VPS13B: variants seen among roughly 807,000 people sequenced by gnomAD.
VPS13B encodes vacuolar protein sorting 13 homolog B.
In VPS13B, 285 loss-of-function variants were observed where a neutral mutation model predicts 426.4. The ratio of observed to expected loss-of-function variants is 0.67; its 90% CI spans 0.61 to 0.74. The LOEUF (loss-of-function observed/expected upper bound fraction) is 0.74, where lower values mean the gene tolerates loss of function less well. Among genes scored for constraint, VPS13B ranks in the 30% least tolerant of loss-of-function variants. VPS13B has a pLI of 0.00. For synonymous variants in VPS13B, 1,676 were observed against 1,676.4 expected, an observed-to-expected ratio of 1.00 and a Z score of 0.01; for missense variants, 4,537 against 4,782.6, an observed-to-expected ratio of 0.95 and a Z score of 1.51.
chr8:99,358,314 G>A (rs1323770782), intron 19 of VPS13B, among the ~76,000 whole-genome samples: 2 of 152,174 alleles, frequency 1.3e-5, no homozygotes, highest in African/African-American at 4.8e-5. Context: ...GGCAGTATCA[G>A]TGTGGGTTTC....
At chr8:99,594,847 G>A (rs1387353711) in intron 33 of VPS13B, among the ~76,000 whole-genome samples, 1 of 151,920 alleles carries the variant, frequency 6.6e-6, no homozygotes, top group African/African-American at 2.4e-5. Flanking sequence ...TGCTCACCTT[G>A]CTCTTTTCAC....
intron 25 of VPS13B, among the ~76,000 whole-genome samples, chr8:99,489,990 A>C (rs542811026): frequency 6.6e-6 from 1 of 152,144 alleles, no homozygotes; most frequent in Non-Finnish European, 1.5e-5. Context: ...CCAGTTTTCA[A>C]AGGGAATGCT....
chr8:99,770,354 T>TAGATTCACTCTTTTTGGTCGGGCGC (rs1563909424), intron 40 of VPS13B, among the ~76,000 whole-genome samples: 31 of 148,976 alleles, frequency 2.1e-4, no homozygotes, highest in Non-Finnish European at 3.0e-4. Flanking sequence ...GCCCTGGTCA[T>TAGATTCACTCTTTTTGGTCGGGCGC]GCTATCCATT....
intron 17 of VPS13B, among the ~76,000 whole-genome samples, chr8:99,232,218 C>CAG (rs554437361): frequency 2.3e-4 from 35 of 152,016 alleles, no homozygotes; most frequent in East Asian, 1.5e-3. Flanking sequence ...GAGAGATAAA[C>CAG]AGAGAGAGAG....
rs566510417 is a variant in VPS13B, at chr8:99,337,190, A to G, written c.2825-47018A>G. ...ATGGAATACTATGCAGCCATAAAAA[A>G]TGATGATTTCATGTCCTTTGTAGGG... On this transcript the variant is annotated intron_variant, in intron 19 of 61. Transcript: ENST00000357162. 1.4e-4 allele frequency among the ~76,000 whole-genome samples: 21 copies of G among 152,272 alleles called. 1 individual carries two copies. Among genetic ancestry groups the G allele is most frequent in the African/African-American group, 5.1e-4 (21 of 41,566 alleles).
At chr8:99,257,718 G>A (rs894248553) in intron 17 of VPS13B, among the ~76,000 whole-genome samples, 1 of 151,402 alleles carries the variant, frequency 6.6e-6, no homozygotes, top group East Asian at 1.9e-4. Flanking sequence ...TTATAACAAG[G>A]TGTTTTAAAA....
intron 17 of VPS13B, among the ~76,000 whole-genome samples, chr8:99,245,257 C>T (rs1402331910): frequency 2.6e-5 from 4 of 152,140 alleles, no homozygotes; most frequent in African/African-American, 7.2e-5. Flanking sequence ...TATTAACTTA[C>T]GTTGTTTTGT....
chr8:99,506,421 G>T lies in VPS13B; in HGVS notation c.4158-716G>T, dbSNP rs181506798. On this transcript the variant is annotated intron_variant, in intron 27 of 61. Coordinates refer to ENST00000357162, the MANE Select transcript of VPS13B (RefSeq NM_152564.5). ...TAATGTCATGAATATTACGTATTAT[G>T]TTGTACTTTATCCCTGACTGTACCG... is the stretch of plus-strand genomic sequence containing the variant. Among the ~76,000 whole-genome samples the T allele has an allele frequency of 5.4e-3, 821 of 152,240 alleles. 6 individuals carry two copies. The highest frequency in any genetic ancestry group is 8.8e-3 in the Admixed American group (135 of 15,288).
chr8:99,640,063 A>AGAAGAAGAAGAAGAAG (rs1233008721), intron 33 of VPS13B, among the ~76,000 whole-genome samples: 2 of 103,046 alleles, frequency 1.9e-5, no homozygotes, highest in African/African-American at 7.3e-5. Flanking sequence ...AAAGAAAAGA[A>AGAAGAAGAAGAAGAAG]AAGAAAAGAA....
intron 19 of VPS13B, among the ~76,000 whole-genome samples, chr8:99,365,641 C>T (rs1465421263): frequency 4.0e-5 from 6 of 151,554 alleles, no homozygotes; most frequent in Non-Finnish European, 4.4e-5. Context: ...CTCAGCCTCC[C>T]GAGTAGCTGG....
chr8:99,737,467 C>A (rs980647500), intron 39 of VPS13B, among the ~76,000 whole-genome samples: 1 of 152,104 alleles, frequency 6.6e-6, no homozygotes, highest in Non-Finnish European at 1.5e-5. Context: ...AGCCTTCCCC[C>A]ACAAGCATAA....
intron 41 of VPS13B, 116 bp downstream of exon 41, chr8:99,777,072 C>T (rs925956545): frequency 1.8e-5 from 24 of 1,304,930 alleles, no homozygotes; most frequent in Admixed American, 1.2e-4. Context: ...AAGTATAAAG[C>T]GAGCAGTGGC....
intron 8 of VPS13B, among the ~76,000 whole-genome samples, chr8:99,132,155 C>G (rs1392957808): frequency 6.6e-6 from 1 of 151,718 alleles, no homozygotes; most frequent in Non-Finnish European, 1.5e-5. Flanking sequence ...ACTTGGCCTC[C>G]CAAAGTGCTG....
intron 6 of VPS13B, among the ~76,000 whole-genome samples, chr8:99,113,036 C>G (rs899021454): frequency 2.1e-4 from 31 of 151,068 alleles, no homozygotes; most frequent in African/African-American, 7.5e-4. Flanking sequence ...CCCCTCCTCT[C>G]CCTCTCCCCA....
chr8:99,425,168 C>CT (rs1816621467), intron 21 of VPS13B, among the ~76,000 whole-genome samples: 1 of 152,180 alleles, frequency 6.6e-6, no homozygotes, highest in South Asian at 2.1e-4. Flanking sequence ...CCTTCTGAAA[C>CT]TATTCCAATC....
chr8:99,842,741 G>A (rs1228844192), intron 54 of VPS13B, among the ~76,000 whole-genome samples: 3 of 152,104 alleles, frequency 2.0e-5, no homozygotes, highest in Admixed American at 6.5e-5. Context: ...AAAGATAACT[G>A]AGTACATAGA....
chr8:99,595,858 A>G (rs1284405457), intron 33 of VPS13B, among the ~76,000 whole-genome samples: 1 of 152,026 alleles, frequency 6.6e-6, no homozygotes, highest in Admixed American at 6.6e-5. Flanking sequence ...AAGAATCTTA[A>G]TAAACATTTC....
intron 17 of VPS13B, among the ~76,000 whole-genome samples, chr8:99,239,001 T>C (rs764549444): frequency 6.6e-6 from 1 of 152,214 alleles, no homozygotes; most frequent in Admixed American, 6.5e-5. Context: ...AGATTTCATC[T>C]GAGTAAGAAT....
intron 17 of VPS13B, chr8:99,233,502 A>T: frequency 2.3e-6 from 3 of 1,282,908 alleles, no homozygotes; most frequent in Non-Finnish European, 2.3e-6. Flanking sequence ...CCTGCTCTTG[A>T]TAAGAATGCT....
Sources: gnomAD v4.1 joint callset for allele counts (sites outside exome capture counted in the v4.1 genomes callset) on GRCh38, gnomAD v4.1.1 for gene constraint, MANE v1.5 for transcripts, NCBI Gene and HGNC (gene_info 2026-07-23, HGNC 2026-07-21) for gene names.